Variants in ATF7IP2 observed in about 807,000 individuals in gnomAD.
The protein encoded by ATF7IP2 is activating transcription factor 7-interacting protein 2.
Under a neutral mutation model 64.2 loss-of-function variants are expected in ATF7IP2, and 42 were observed. The ratio of observed to expected loss-of-function variants is 0.65; its 90% CI spans 0.51 to 0.85. The LOEUF (loss-of-function observed/expected upper bound fraction) is 0.85. ATF7IP2 is among the 40% of genes least tolerant of loss of function. The pLI is 0.00. For synonymous variants in ATF7IP2, 308 were observed against 272.8 expected (o/e 1.13, Z -1.27); for missense variants, 933 against 784.2 (o/e 1.19, Z -2.27).
intron 4 of ATF7IP2, 49 bp from the exon 5 acceptor site, chr16:10,430,562 C>T (rs2048209893): frequency 8.5e-7 from 1 of 1,173,708 alleles, no homozygotes; most frequent in African/African-American, 1.6e-5. Flanking sequence ...TAGTAAATAA[C>T]TTTTATTCAC....
intron 3 of ATF7IP2, among the ~76,000 whole-genome samples, chr16:10,420,196 C>T (rs1362423365): frequency 6.6e-6 from 1 of 152,136 alleles, no homozygotes; most frequent in Non-Finnish European, 1.5e-5. Context: ...GGGCATTGTC[C>T]ATTTTAATAG....
At chr16:10,438,674 A>C (rs1209848781) in intron 7 of ATF7IP2, among the ~76,000 whole-genome samples, 1 of 152,226 alleles carries the variant, frequency 6.6e-6, no homozygotes, top group African/African-American at 2.4e-5. Flanking sequence ...ATCATAGGCA[A>C]TGTAATTTAC....
intron 12 of ATF7IP2, among the ~76,000 whole-genome samples, chr16:10,480,149 A>T (rs2050169745): frequency 6.6e-6 from 1 of 151,382 alleles, no homozygotes; most frequent in South Asian, 2.1e-4. Context: ...CACCACACCC[A>T]GCTAATTTTG....
rs570263309 is a variant in ATF7IP2, at chr16:10,446,003, T to C, written c.1194+5541T>C. ...TGATATAATGCAAACAATTCACATG[T>C]TTGGGCAGACCAATTATTGGGCAGT... is the stretch of plus-strand genomic sequence containing the variant. On this transcript the variant is annotated intron_variant, in intron 8 of 13. Transcript: ENST00000562102. 7 of 152,362 alleles carry C rather than the reference T, an allele frequency of 4.6e-5. No individual in the cohort carries two copies. In the East Asian group the frequency reaches 1.4e-3, roughly 29 times the overall value. The allele number at this position is 152,362 out of a possible 1,614,324, so 9.4% of individuals were successfully genotyped here.
intron 1 of ATF7IP2, among the ~76,000 whole-genome samples, chr16:10,403,295 C>T (rs553245464): frequency 6.6e-6 from 1 of 152,266 alleles, no homozygotes; most frequent in African/African-American, 2.4e-5. Context: ...CCATACCATG[C>T]TGGCTACTCA....
intron 7 of ATF7IP2, 140 bp downstream of exon 7, chr16:10,438,375 G>A: frequency 1.2e-6 from 1 of 805,094 alleles, no homozygotes. Context: ...CTCCAGAGTA[G>A]CTGAGACTAC....
At chr16:10,422,684 C>A (rs2048009519) in intron 3 of ATF7IP2, among the ~76,000 whole-genome samples, 1 of 73,816 alleles carries the variant, frequency 1.4e-5, no homozygotes, top group South Asian at 5.1e-4. Context: ...TTTTAAATTT[C>A]TTTCCCTGAA....
At chr16:10,443,291 C>T (rs112558720) in intron 8 of ATF7IP2, among the ~76,000 whole-genome samples, 5 of 152,218 alleles carry the variant, frequency 3.3e-5, no homozygotes, top group African/African-American at 4.8e-5. Context: ...AAATTGGCAT[C>T]GTTAGATGGA....
intron 2 of ATF7IP2, among the ~76,000 whole-genome samples, chr16:10,416,005 T>C (rs553730894): frequency 1.2e-4 from 18 of 152,304 alleles, no homozygotes; most frequent in Non-Finnish European, 2.2e-4. Flanking sequence ...TTGGTGGGGA[T>C]GTAAATTTGT....
chr16:10,392,943 G>T (rs975522809), intron 1 of ATF7IP2, among the ~76,000 whole-genome samples: 1 of 152,000 alleles, frequency 6.6e-6, no homozygotes, highest in Admixed American at 6.6e-5. Flanking sequence ...CTGTGTTCAT[G>T]CCCACTGTAC....
At chr16:10,400,836 C>T (rs2047516600) in intron 1 of ATF7IP2, among the ~76,000 whole-genome samples, 1 of 152,108 alleles carries the variant, frequency 6.6e-6, no homozygotes, top group Admixed American at 6.5e-5. Context: ...TGCCCGCCAC[C>T]ATGCCCAACT....
chr16:10,473,661 A>T (rs1214410052), intron 11 of ATF7IP2, 127 bp downstream of exon 11: 4 of 716,770 alleles, frequency 5.6e-6, no homozygotes, highest in Non-Finnish European at 9.6e-6. Context: ...CAGACAGCTA[A>T]TGATAAGCAT....
At chr16:10,438,069 AGGGT>A in intron 6 of ATF7IP2, 28 bp from the exon 7 acceptor site, 2 of 1,486,836 alleles carry the variant, frequency 1.3e-6, no homozygotes, top group Non-Finnish European at 1.8e-6. Context: ...TTTGAAACGT[AGGGT>A]GTTTTGGTTT....
rs185223845 is a variant in ATF7IP2, at chr16:10,441,062, C to T, written c.1194+600C>T. The stretch of plus-strand genomic sequence containing the variant: ...TGATGGTTTTCAGCTTCATCCATGT[C>T]GCTGCAAAGGACATGAATTCATCCT... On this transcript the variant is annotated intron_variant, in intron 8 of 13. Coordinates refer to ENST00000562102, the MANE Select transcript of ATF7IP2 (RefSeq NM_001393719.1). 2.2e-4 allele frequency among the ~76,000 whole-genome samples: 33 copies of T among 152,276 alleles called. 2 individuals are homozygous for T. In the South Asian group the frequency reaches 2.3e-3, roughly 11 times the overall value.
chr16:10,433,580 GAA>G lies in ATF7IP2; in HGVS notation c.894_895del (p.Lys298AsnfsTer6). The stretch of plus-strand genomic sequence containing the variant: ...AAAACGAGGAAAATGTTAAACGCAT[GAA>G]AACTTCAGAGCAAATTAATGAAAAT... ...SENEENVKRM[K>X]TSEQINENIC... On this transcript the variant is annotated frameshift_variant, in exon 6 of 14. Transcript: ENST00000562102. LOFTEE classifies it high-confidence loss of function. The G allele has an allele frequency of 6.2e-7, 1 of 1,613,420 alleles. No homozygotes were observed. The highest frequency in any genetic ancestry group is 8.5e-7 in the Non-Finnish European group (1 of 1,179,382).
Position 10,431,178 on chromosome 16 carries a change from C to G in ATF7IP2, c.558C>G (p.Thr186=), listed in dbSNP as rs371774821. ...GVVQMPESTV[T]STVGDKKTDQ... is the part of the protein sequence containing the mutation. ...TTCAGATGCCAGAGTCTACAGTAAC[C>G]AGTACCGTGGGTGACAAGAAAACTG... The change falls in exon 5 of 14, where the codon ACC becomes ACG. Residue 186 remains threonine (T), a synonymous_variant. Coordinates refer to ENST00000562102, the MANE Select transcript of ATF7IP2 (RefSeq NM_001393719.1). 2.0e-5 allele frequency: 32 copies of G among 1,614,060 alleles called. No individual in the cohort carries two copies. The African/African-American group carries it at 4.1e-4, about 21-fold the overall frequency.
At chr16:10,404,304 T>C (rs1445248313) in intron 1 of ATF7IP2, among the ~76,000 whole-genome samples, 1 of 152,162 alleles carries the variant, frequency 6.6e-6, no homozygotes, top group African/African-American at 2.4e-5. Context: ...CCAGGCTGGA[T>C]TGAAGTGGTG....
At chr16:10,408,143 C>G (rs2047680961) in intron 1 of ATF7IP2, among the ~76,000 whole-genome samples, 1 of 152,076 alleles carries the variant, frequency 6.6e-6, no homozygotes, top group Non-Finnish European at 1.5e-5. Flanking sequence ...ATTTCCTGAC[C>G]TCGCGATCCA....
chr16:10,407,157 A>C (rs1019591491), intron 1 of ATF7IP2, among the ~76,000 whole-genome samples: 2 of 152,218 alleles, frequency 1.3e-5, no homozygotes, highest in African/African-American at 4.8e-5. Context: ...CTGAAAATGC[A>C]TTTGATAACA....
Sources: allele counts gnomAD v4.1 joint callset (sites outside exome capture counted in the v4.1 genomes callset), GRCh38; gene constraint gnomAD v4.1.1; transcripts MANE v1.5; gene names NCBI Gene and HGNC (gene_info 2026-07-23, HGNC 2026-07-21).